The following POU6F2 variants were observed in gnomAD, a reference collection of about 807,000 sequenced individuals.
The protein encoded by POU6F2 is POU class 6 homeobox 2.
POU6F2 carries 31 observed loss-of-function variants against 71.3 expected under a neutral mutation model. That is an observed-to-expected ratio of 0.43 (90% confidence interval 0.33 to 0.59). POU6F2 has a LOEUF of 0.59. Ranked by LOEUF, POU6F2 falls within the 20% of genes least tolerant of loss-of-function variation. The pLI, the probability that POU6F2 is intolerant of heterozygous loss-of-function variation, is 0.04. For synonymous variants in POU6F2, 347 were observed against 355.7 expected (o/e 0.98, Z 0.27); for missense variants, 783 against 856.8 (o/e 0.91, Z 1.07).
At chr7:39,044,827 A>G (rs1244433603) in intron 1 of POU6F2, among the ~76,000 whole-genome samples, 1 of 151,916 alleles carries the variant, frequency 6.6e-6, no homozygotes, top group Non-Finnish European at 1.5e-5. Flanking sequence ...TTTTATAAGA[A>G]GGCTGTGATT....
Position 39,159,954 on chromosome 7 carries a change from G to A in POU6F2, c.278-44281G>A, listed in dbSNP as rs562025278. Among the ~76,000 whole-genome samples, 5 of 152,266 alleles carry A rather than the reference G, an allele frequency of 3.3e-5. No individual in the cohort carries two copies. The South Asian group carries it at 8.3e-4, about 25-fold the overall frequency. ...CCTTCCCAGAATCTTTGGATGGCAT[G>A]GGCAATTTAAATAAGCCAATCCTGA... is the stretch of plus-strand genomic sequence containing the variant. On this transcript the variant is annotated intron_variant, in intron 2 of 9. Transcript: ENST00000518318.
chr7:39,421,892 G>A (rs1234316671), intron 6 of POU6F2, among the ~76,000 whole-genome samples: 3 of 152,144 alleles, frequency 2.0e-5, no homozygotes, highest in African/African-American at 7.2e-5. Context: ...CACTTAATCT[G>A]GCATCAACAG....
At chr7:39,331,802 C>T (rs765343931) in intron 4 of POU6F2, among the ~76,000 whole-genome samples, 7 of 152,222 alleles carry the variant, frequency 4.6e-5, no homozygotes, top group African/African-American at 7.2e-5. Flanking sequence ...TGAGCCACCG[C>T]GCCCGGCCTC....
intron 2 of POU6F2, among the ~76,000 whole-genome samples, chr7:39,141,621 A>G (rs1027887239): frequency 3.9e-5 from 6 of 152,260 alleles, no homozygotes; most frequent in African/African-American, 7.2e-5. Context: ...AAAAGTATAT[A>G]TCTTAATACT....
At chr7:39,152,533 G>C (rs539884863) in intron 2 of POU6F2, among the ~76,000 whole-genome samples, 1 of 152,096 alleles carries the variant, frequency 6.6e-6, no homozygotes, top group Non-Finnish European at 1.5e-5. Flanking sequence ...AAAGCAGTGA[G>C]GGGTGCCAGC....
chr7:39,426,867 C>A (rs1440898142), intron 6 of POU6F2, among the ~76,000 whole-genome samples: 1 of 152,188 alleles, frequency 6.6e-6, no homozygotes, highest in African/African-American at 2.4e-5. Flanking sequence ...CAGTAACCTC[C>A]TCTGTAAATC....
chr7:39,328,007 G>A (rs189883892), intron 4 of POU6F2, among the ~76,000 whole-genome samples: 9 of 152,172 alleles, frequency 5.9e-5, no homozygotes, highest in Non-Finnish European at 8.8e-5. Context: ...TGCAACCTCC[G>A]TCTCCCAGGT....
At chr7:39,422,720 A>G (rs1266786090) in intron 6 of POU6F2, among the ~76,000 whole-genome samples, 1 of 152,190 alleles carries the variant, frequency 6.6e-6, no homozygotes, top group East Asian at 1.9e-4. Context: ...CCAGTGGGAA[A>G]TCAGTGGCTT....
intron 1 of POU6F2, among the ~76,000 whole-genome samples, chr7:39,017,526 G>C (rs13234105): frequency 0.21 from 32,481 of 152,002 alleles, 3,666 homozygotes; most frequent in South Asian, 0.35. Context: ...TGTATCCCTG[G>C]CTGGAAAGCA....
At chr7:39,406,531 A>C in intron 5 of POU6F2, 69 bp from the exon 6 acceptor site, 1 of 1,554,986 alleles carries the variant, frequency 6.4e-7, no homozygotes, top group Non-Finnish European at 8.7e-7. Flanking sequence ...CCCCAGAGTC[A>C]ATGTTGTGTC....
At chr7:39,028,349 A>G (rs940091051) in intron 1 of POU6F2, among the ~76,000 whole-genome samples, 15 of 152,044 alleles carry the variant, frequency 9.9e-5, no homozygotes, top group African/African-American at 3.4e-4. Context: ...AAACTATTTC[A>G]TGTTTGTTTC....
intron 4 of POU6F2, among the ~76,000 whole-genome samples, chr7:39,320,319 C>G (rs1396044511): frequency 6.6e-6 from 1 of 152,192 alleles, no homozygotes; most frequent in African/African-American, 2.4e-5. Flanking sequence ...GACAGATGCC[C>G]TTCACCCGGA....
chr7:39,118,836 A>G (rs569004945), intron 2 of POU6F2, among the ~76,000 whole-genome samples: 3 of 152,348 alleles, frequency 2.0e-5, no homozygotes, highest in East Asian at 1.9e-4. Context: ...GTAAATGACC[A>G]TGACATTTTA....
chr7:39,186,429 GTTTA>G (rs1793541763), intron 2 of POU6F2, among the ~76,000 whole-genome samples: 2 of 152,144 alleles, frequency 1.3e-5, no homozygotes, highest in South Asian at 4.2e-4. Flanking sequence ...CCTGGTCTTT[GTTTA>G]TTTATATGGC....
At chr7:39,345,880 G>A (rs558354786) in intron 5 of POU6F2, among the ~76,000 whole-genome samples, 2 of 152,282 alleles carry the variant, frequency 1.3e-5, no homozygotes, top group African/African-American at 2.4e-5. Flanking sequence ...ATGTTGATTA[G>A]CCTAAAGATA....
intron 5 of POU6F2, among the ~76,000 whole-genome samples, chr7:39,386,011 GA>G (rs1562810912): frequency 6.6e-6 from 1 of 151,556 alleles, no homozygotes; most frequent in South Asian, 2.1e-4. Context: ...CCAGCTACTC[GA>G]GAGGCTGAGG....
At chr7:39,301,206 G>T (rs895871405) in intron 4 of POU6F2, among the ~76,000 whole-genome samples, 2 of 152,208 alleles carry the variant, frequency 1.3e-5, no homozygotes, top group African/African-American at 4.8e-5. Context: ...AGTTTGGGTT[G>T]TGTTTATTTC....
chr7:39,283,214 G>A (rs1784592131), intron 4 of POU6F2, among the ~76,000 whole-genome samples: 1 of 152,044 alleles, frequency 6.6e-6, no homozygotes, highest in East Asian at 1.9e-4. Flanking sequence ...ATAAGATTAT[G>A]TCATCCATAA....
intron 5 of POU6F2, among the ~76,000 whole-genome samples, chr7:39,370,338 G>A (rs939136085): frequency 2.0e-5 from 3 of 152,172 alleles, no homozygotes; most frequent in Admixed American, 6.5e-5. Flanking sequence ...ACATAGTAAA[G>A]GATAAACGGT....
Sources: allele counts gnomAD v4.1 joint callset (sites outside exome capture counted in the v4.1 genomes callset), GRCh38; gene constraint gnomAD v4.1.1; transcripts MANE v1.5; gene names NCBI Gene and HGNC (gene_info 2026-07-23, HGNC 2026-07-21).